Variants in RABGAP1 observed in about 807,000 individuals in gnomAD.
The protein encoded by RABGAP1 is RAB GTPase activating protein 1, also known as rab GTPase-activating protein 1.
RABGAP1 carries 23 observed loss-of-function variants against 137.6 expected under a neutral mutation model. The ratio of observed to expected loss-of-function variants is 0.17; its 90% CI spans 0.12 to 0.24. The LOEUF is 0.24. Among genes scored for constraint, RABGAP1 ranks in the 10% least tolerant of loss-of-function variants. RABGAP1 has a pLI of 1.00. For synonymous variants in RABGAP1, 451 were observed against 450.7 expected (o/e 1.00, Z -0.01); for missense variants, 906 against 1,275.8 (o/e 0.71, Z 4.42).
At chr9:123,002,932 G>C (rs1161963769) in intron 10 of RABGAP1, among the ~76,000 whole-genome samples, 1 of 152,080 alleles carries the variant, frequency 6.6e-6, no homozygotes, top group South Asian at 2.1e-4. Flanking sequence ...GTGGAAGCTC[G>C]GGGGAGAGCA....
chr9:122,995,704 G>A lies in RABGAP1; in HGVS notation c.924-337G>A, dbSNP rs1026183824. Among the ~76,000 whole-genome samples the A allele has an allele frequency of 2.6e-5, 4 of 151,870 alleles. No individual in the cohort carries two copies. In the East Asian group the frequency reaches 7.7e-4, roughly 29 times the overall value. Reference sequence around the variant, plus strand: ...CTGCCTCAGCCTCCCGAATAGCTGGGACTGTAGGCATGTGCCATCACACCC... The same window carrying A: ...CTGCCTCAGCCTCCCGAATAGCTGGAACTGTAGGCATGTGCCATCACACCC... On this transcript the variant is annotated intron_variant, in intron 6 of 25. Coordinates refer to ENST00000373647, the MANE Select transcript of RABGAP1 (RefSeq NM_012197.4).
Position 123,073,547 on chromosome 9 carries a change from T to A in RABGAP1, c.1984-5T>A. On this transcript the variant is annotated splice_region_variant and splice_polypyrimidine_tract_variant and intron_variant, in intron 15 of 25. Transcript: ENST00000373647. ...CCTACCCAACAACTTGCCTATCTGTTACAGATGCCTGAAGAACAGGCATTC... is the reference window on the plus strand; with the variant it reads ...CCTACCCAACAACTTGCCTATCTGTAACAGATGCCTGAAGAACAGGCATTC... 6.2e-7 allele frequency: 1 copy of A among 1,612,076 alleles called. No individual in the cohort carries two copies.
upstream of RABGAP1, chr9:122,940,136 A>G (rs1027439446): frequency 6.6e-5 from 10 of 152,230 alleles, no homozygotes; most frequent in African/African-American, 2.4e-4. Context: ...GTGAATAGCC[A>G]CAGCACTGCA....
intron 13 of RABGAP1, among the ~76,000 whole-genome samples, chr9:123,043,788 A>G (rs1375714327): frequency 6.6e-6 from 1 of 152,202 alleles, no homozygotes; most frequent in East Asian, 1.9e-4. Context: ...AGCTTTAAAA[A>G]AAGGAGAGGT....
intron 13 of RABGAP1, among the ~76,000 whole-genome samples, chr9:123,023,226 G>C (rs942793802): frequency 5.3e-5 from 8 of 152,072 alleles, no homozygotes; most frequent in Non-Finnish European, 1.2e-4. Flanking sequence ...TGTCACCGAG[G>C]CTGGAGTGCA....
intron 13 of RABGAP1, among the ~76,000 whole-genome samples, chr9:123,059,437 C>T (rs1464011608): frequency 1.3e-5 from 2 of 152,098 alleles, no homozygotes; most frequent in Admixed American, 6.6e-5. Flanking sequence ...CACCTGTAGT[C>T]CCAGCTACTC....
Position 122,957,117 on chromosome 9 carries a change from C to G in RABGAP1, c.58C>G (p.Leu20Val), listed in dbSNP as rs1834569882. The G allele has an allele frequency of 2.5e-6, 4 of 1,573,724 alleles. No homozygotes were observed. Among genetic ancestry groups the G allele is most frequent in the Non-Finnish European group, 3.5e-6 (4 of 1,151,978 alleles). ...TGTCTCTTCAGACTCAGTATCTACT[C>G]TTAATAGTGAAGATTTTGTCTTGGT... Reference protein sequence around the residue: ...ISVSSDSVSTLNSEDFVLVSR... With the variant: ...ISVSSDSVSTVNSEDFVLVSR... The change falls in exon 2 of 26, where the codon CTT (leucine) becomes GTT (valine). Residue 20 changes from leucine to valine, a missense_variant. Around this residue, in one of 9 missense-constraint regions of RABGAP1, gnomAD observed 331 missense variants for 358.3 expected, o/e 0.92. Transcript: ENST00000373647.
rs576084940 is a variant in RABGAP1 at position 123,008,747 on chromosome 9, A to T, written c.1375-1607A>T. 2.0e-5 allele frequency among the ~76,000 whole-genome samples: 3 copies of T among 152,282 alleles called. No individual in the cohort carries two copies. The South Asian group carries it at 6.2e-4, about 32-fold the overall frequency. On this transcript the variant is annotated intron_variant, in intron 10 of 25. Coordinates refer to ENST00000373647, the MANE Select transcript of RABGAP1 (RefSeq NM_012197.4). Reference sequence around the variant, plus strand: ...ATATTCTAATTCAGTGTATTAATTAATGAGAGAACCAGAAAGGTAGCAAAA... The same window carrying T: ...ATATTCTAATTCAGTGTATTAATTATTGAGAGAACCAGAAAGGTAGCAAAA...
At chr9:123,056,490 T>C (rs914225415) in intron 13 of RABGAP1, among the ~76,000 whole-genome samples, 1 of 151,410 alleles carries the variant, frequency 6.6e-6, no homozygotes, top group Non-Finnish European at 1.5e-5. Flanking sequence ...TCTTTTTTTT[T>C]TTTTTTTTAA....
chr9:122,942,369 GCTTA>G (rs923601993), intron 1 of RABGAP1, among the ~76,000 whole-genome samples: 1 of 152,128 alleles, frequency 6.6e-6, no homozygotes, highest in Non-Finnish European at 1.5e-5. Context: ...CTTAACTAGA[GCTTA>G]CTTATGAAAA....
At position 122,941,374 on chromosome 9, in the gene RABGAP1, T is replaced by G. The variant is rs578255996; in HGVS notation, c.-50+281T>G. Among the ~76,000 whole-genome samples the G allele has an allele frequency of 7.2e-5, 11 of 152,374 alleles. No individual in the cohort carries two copies. In the East Asian group the frequency reaches 2.1e-3, roughly 29 times the overall value. On this transcript the variant is annotated intron_variant, in intron 1 of 25. Coordinates refer to ENST00000373647, the MANE Select transcript of RABGAP1 (RefSeq NM_012197.4). The stretch of plus-strand genomic sequence containing the variant: ...CCTGTCTGTGTGGGTGCCGGTCTTC[T>G]GAGTCTTGCGTTTTTGGCCCTCCCT...
chr9:123,020,274 CTT>C, intron 12 of RABGAP1, 33 bp from the exon 13 acceptor site: 1 of 1,420,282 alleles, frequency 7.0e-7, no homozygotes, highest in African/African-American at 1.4e-5. Context: ...TCTTATCTTC[CTT>C]TTATGATTTA....
At chr9:123,053,073 T>C (rs769296706) in intron 13 of RABGAP1, among the ~76,000 whole-genome samples, 17 of 152,378 alleles carry the variant, frequency 1.1e-4, no homozygotes, top group Non-Finnish European at 7.3e-5. Context: ...ATAATTCTTG[T>C]GAGGCATTCC....
At chr9:123,052,380 A>C (rs1426302979) in intron 13 of RABGAP1, among the ~76,000 whole-genome samples, 1 of 152,242 alleles carries the variant, frequency 6.6e-6, no homozygotes, top group Non-Finnish European at 1.5e-5. Flanking sequence ...TAGGTCTGTG[A>C]AAGTACAGCT....
chr9:122,956,649 CA>C (rs10661742), intron 1 of RABGAP1, among the ~76,000 whole-genome samples: 17 of 121,490 alleles, frequency 1.4e-4, no homozygotes, highest in Admixed American at 2.6e-4. Context: ...GACTCCGTCT[CA>C]AAAAAAAAAA....
chr9:122,971,146 A>T (rs942056610), intron 2 of RABGAP1, among the ~76,000 whole-genome samples: 1 of 152,232 alleles, frequency 6.6e-6, no homozygotes, highest in Non-Finnish European at 1.5e-5. Context: ...ACTTGAAAGG[A>T]TAGGGTAAAA....
chr9:122,943,051 A>C (rs907371950), intron 1 of RABGAP1, among the ~76,000 whole-genome samples: 1 of 145,382 alleles, frequency 6.9e-6, no homozygotes, highest in Non-Finnish European at 1.5e-5. Context: ...TCTGAGATAT[A>C]GTCATGTTGT....
At chr9:123,057,333 A>G (rs1245453349) in intron 13 of RABGAP1, among the ~76,000 whole-genome samples, 1 of 145,586 alleles carries the variant, frequency 6.9e-6, no homozygotes, top group South Asian at 2.2e-4. Flanking sequence ...CTCACTTCTC[A>G]GACGGGGCGG....
At chr9:123,043,340 C>A (rs2033044289) in intron 13 of RABGAP1, among the ~76,000 whole-genome samples, 1 of 151,948 alleles carries the variant, frequency 6.6e-6, no homozygotes, top group South Asian at 2.1e-4. Context: ...GGAGCAGGAA[C>A]AAAGAAGGCA....
Sources: allele counts gnomAD v4.1 joint callset (sites outside exome capture counted in the v4.1 genomes callset), GRCh38; gene constraint gnomAD v4.1.1; regional missense constraint gnomAD v4.1.1; transcripts MANE v1.5; gene names NCBI Gene and HGNC (gene_info 2026-07-23, HGNC 2026-07-21).